Variants in AVEN observed in about 807,000 individuals in gnomAD.
AVEN encodes apoptosis and caspase activation inhibitor.
AVEN carries 41 observed loss-of-function variants against 38.1 expected under a neutral mutation model. The observed-to-expected ratio is 1.08, with a 90% CI of 0.84 to 1.40. AVEN has a LOEUF of 1.40. Ranked by LOEUF, AVEN falls within the 40% of genes most tolerant of loss-of-function variation. AVEN has a pLI of 0.00. For synonymous variants in AVEN, 206 were observed against 171.8 expected, an observed-to-expected ratio of 1.20 and a Z score of -1.56; for missense variants, 605 against 438.8, an observed-to-expected ratio of 1.38 and a Z score of -3.38.
chr15:34,069,826 T>C (rs1419212056), intron 2 of AVEN, among the ~76,000 whole-genome samples: 1 of 152,206 alleles, frequency 6.6e-6, no homozygotes, highest in Non-Finnish European at 1.5e-5. Flanking sequence ...TTCAGAGTTT[T>C]CTCCCATAAC....
At chr15:33,902,789 A>C (rs1347843375) in intron 2 of AVEN, among the ~76,000 whole-genome samples, 2 of 152,188 alleles carry the variant, frequency 1.3e-5, no homozygotes, top group East Asian at 3.8e-4. Context: ...AAAAGAAATC[A>C]AGACAACAAT....
At position 33,932,825 on chromosome 15, in the gene AVEN, C is replaced by T. The variant is rs1893898870; in HGVS notation, c.446-56830G>A. On this transcript the variant is annotated intron_variant, in intron 2 of 5. Transcript: ENST00000306730. The stretch of plus-strand genomic sequence containing the variant: ...GGGTGACAAGAGCAAGACTCCATCA[C>T]AAAATAAACAAACAAATAAATAAAT... Among the ~76,000 whole-genome samples the T allele has an allele frequency of 8.2e-5, 4 of 48,910 alleles. No homozygotes were observed. The Admixed American group carries it at 1.2e-3, about 14-fold the overall frequency. The allele number at this position is 48,910 out of a possible 152,430, so 32.1% of individuals were successfully genotyped here. A position where few individuals can be genotyped will look rare whatever the true frequency, so the allele number is the denominator to read the frequency against.
downstream of AVEN, among the ~76,000 whole-genome samples, chr15:33,857,351 C>CCT (rs1430310828): frequency 1.3e-5 from 2 of 151,952 alleles, no homozygotes; most frequent in Non-Finnish European, 2.9e-5. Flanking sequence ...CTGTGTCTAG[C>CCT]CTCTCTCTCT....
intron 5 of AVEN, among the ~76,000 whole-genome samples, chr15:34,059,934 A>G (rs1900281549): frequency 6.6e-6 from 1 of 152,214 alleles, no homozygotes; most frequent in Non-Finnish European, 1.5e-5. Flanking sequence ...TATCGCCAGC[A>G]TTAGAGTCTG....
chr15:33,992,874 C>T (rs905893000), intron 2 of AVEN, among the ~76,000 whole-genome samples: 15 of 152,170 alleles, frequency 9.9e-5, no homozygotes, highest in African/African-American at 3.4e-4. Flanking sequence ...AATAGCTTTT[C>T]ATAAAATTAA....
intron 2 of AVEN, among the ~76,000 whole-genome samples, chr15:33,965,449 G>A (rs1895348121): frequency 6.6e-6 from 1 of 152,110 alleles, no homozygotes; most frequent in Admixed American, 6.6e-5. Flanking sequence ...GCATAAAGGA[G>A]AGACTTTTTT....
intron 2 of AVEN, among the ~76,000 whole-genome samples, chr15:33,976,729 G>A (rs1895905310): frequency 6.6e-6 from 1 of 152,046 alleles, no homozygotes; most frequent in Non-Finnish European, 1.5e-5. Context: ...TAACATAAAT[G>A]TATTGTACCT....
intron 1 of AVEN, among the ~76,000 whole-genome samples, chr15:34,072,247 C>T (rs1001205789): frequency 6.6e-6 from 1 of 151,778 alleles, no homozygotes; most frequent in African/African-American, 2.4e-5. Flanking sequence ...CCAGCCTGGG[C>T]GACAGAGTGA....
intron 2 of AVEN, among the ~76,000 whole-genome samples, chr15:33,985,674 A>T (rs1417308653): frequency 6.6e-6 from 1 of 152,052 alleles, no homozygotes; most frequent in Non-Finnish European, 1.5e-5. Context: ...TCAGCACCTG[A>T]CATGATGCAT....
rs180912830 is a variant in AVEN at position 33,891,367 on chromosome 15, T to C, written c.446-15372A>G. 5.3e-4 allele frequency among the ~76,000 whole-genome samples: 80 copies of C among 152,284 alleles called. 1 individual carries two copies. Among genetic ancestry groups the C allele is most frequent in the Admixed American group, 2.2e-3 (34 of 15,300 alleles). ...CATTTACATTAGGTATTTCTCCTAA[T>C]GCTATCCCTCCCCCAGTCCCCCACC... On this transcript the variant is annotated intron_variant, in intron 2 of 5. Coordinates refer to ENST00000306730, the MANE Select transcript of AVEN (RefSeq NM_020371.3).
intron 2 of AVEN, among the ~76,000 whole-genome samples, chr15:33,888,382 G>C (rs1319430849): frequency 2.0e-5 from 3 of 152,098 alleles, no homozygotes; most frequent in Non-Finnish European, 4.4e-5. Flanking sequence ...CCTAGGAGAA[G>C]TGACACCTGA....
downstream of AVEN, chr15:33,865,882 C>CTTGAAGGTTA (rs1890353066): frequency 6.6e-6 from 1 of 152,496 alleles, no homozygotes; most frequent in Non-Finnish European, 1.5e-5. Context: ...TGAAACTGCA[C>CTTGAAGGTTA]TTGAAGGTTA....
intron 2 of AVEN, chr15:34,066,968 T>C (rs1423763621): frequency 6.6e-6 from 1 of 152,154 alleles, no homozygotes; most frequent in Admixed American, 6.6e-5. Flanking sequence ...ATAGCGGCTT[T>C]AGTGGGGTCC....
At chr15:33,860,764 CAAGAACG>C in intron 11 of AVEN, 2 of 894,946 alleles carry the variant, frequency 2.2e-6, no homozygotes, top group Middle Eastern at 2.2e-4. Flanking sequence ...CAGTACTAAG[CAAGAACG>C]CAGTTTGTTT....
chr15:33,905,212 A>G (rs1400548111), intron 2 of AVEN, among the ~76,000 whole-genome samples: 1 of 32,756 alleles, frequency 3.1e-5, no homozygotes, highest in African/African-American at 4.1e-5. Flanking sequence ...AAAACAAAAC[A>G]AACAAACAAA....
Position 33,927,387 on chromosome 15 carries a change from A to G in AVEN, c.446-51392T>C, listed in dbSNP as rs538216469. Among the ~76,000 whole-genome samples the G allele has an allele frequency of 2.7e-5, 4 of 148,540 alleles. 1 individual carries two copies. Among genetic ancestry groups the G allele is most frequent in the African/African-American group, 1.1e-4 (4 of 38,042 alleles). The stretch of plus-strand genomic sequence containing the variant: ...AATCATTGAAATGAATTAATTACCA[A>G]TAATAATAATAGTTAATAATTATCA... On this transcript the variant is annotated intron_variant, in intron 2 of 5. Transcript: ENST00000306730.
chr15:33,854,951 T>C (rs200109895), downstream of AVEN: 2,104 of 1,551,758 alleles, frequency 1.4e-3, 8 homozygotes, highest in Middle Eastern at 0.024. Flanking sequence ...TGGACCTGTA[T>C]ATGCACAGGA....
At chr15:33,934,589 G>A (rs958697239) in intron 2 of AVEN, among the ~76,000 whole-genome samples, 1 of 152,106 alleles carries the variant, frequency 6.6e-6, no homozygotes, top group Non-Finnish European at 1.5e-5. Flanking sequence ...CTGTGAAGTG[G>A]AGTCTCTGCA....
chr15:33,854,397 C>A (rs762164986), downstream of AVEN: 2 of 1,573,370 alleles, frequency 1.3e-6, no homozygotes, highest in Non-Finnish European at 1.7e-6. Context: ...AGGCTAAGTT[C>A]CATAGACATG....
Sources: allele counts gnomAD v4.1 joint callset (sites outside exome capture counted in the v4.1 genomes callset), GRCh38; gene constraint gnomAD v4.1.1; transcripts MANE v1.5; gene names NCBI Gene and HGNC (gene_info 2026-07-23, HGNC 2026-07-21).